The following ARSH variants were observed in gnomAD, a reference collection of about 807,000 sequenced individuals.
ARSH encodes the protein arylsulfatase H.
In ARSH, 32 loss-of-function variants were observed where a neutral mutation model predicts 28.7. That is an observed-to-expected ratio of 1.11 (90% CI 0.84 to 1.50). The LOEUF (loss-of-function observed/expected upper bound fraction) is 1.50. Among genes scored for constraint, ARSH ranks in the 40% most tolerant of loss-of-function variants. The pLI is 0.00. For synonymous variants in ARSH, 176 were observed against 177.3 expected, an observed-to-expected ratio of 0.99 and a Z score of 0.06; for missense variants, 440 against 452.4, an observed-to-expected ratio of 0.97 and a Z score of 0.25.
chrX:3,015,162 C>T lies in ARSH; in HGVS notation c.533C>T (p.Pro178Leu). 1 of 1,208,349 alleles carries T rather than the reference C, an allele frequency of 8.3e-7. No individual in the cohort carries two copies. Among genetic ancestry groups the T allele is most frequent in the African/African-American group, 1.7e-5 (1 of 57,763 alleles). The stretch of plus-strand genomic sequence containing the variant: ...TCCACGGTAGCCCTTGCCCTGGTTC[C>T]TTTTCTGCTTCTCATTCCCAAGTTC... ...WISTVALALV[P>L]FLLLIPKFAR... Residue 178 changes from proline to leucine, a missense_variant, in exon 4 of 9, where the codon CCT becomes CTT. Pro to Leu is a moderately conservative substitution (Grantham distance 98, BLOSUM62 -3). Transcript: ENST00000381130.
At chrX:3,019,377 TG>T (rs765122742) in intron 5 of ARSH, among the ~76,000 whole-genome samples, 3 of 111,098 alleles carry the variant, frequency 2.7e-5, no homozygotes, top group Non-Finnish European at 5.7e-5. Context: ...CATAGAAAAT[TG>T]GGATGGGGAT....
rs1255036920 is a variant in ARSH at position 3,010,107 on chromosome X, C to T, written c.170C>T (p.Pro57Leu). 1.7e-6 allele frequency: 2 copies of T among 1,209,650 alleles called. No homozygotes were observed. The highest frequency in any genetic ancestry group is 3.5e-5 in the African/African-American group (2 of 57,170). Reference sequence around the variant, plus strand: ...CTCGCAGCTGCTTCCATGTGCACCCCAAGTCGGGCTGCCTTCCTGACCGGC... The same window carrying T: ...CTCGCAGCTGCTTCCATGTGCACCCTAAGTCGGGCTGCCTTCCTGACCGGC... The part of the protein sequence containing the change: ...QHLAAASMCT[P>L]SRAAFLTGRY... The change falls in exon 2 of 9, where the codon CCA becomes CTA. Residue 57 changes from proline (P) to leucine (L), a missense_variant. Physicochemically the swap from Pro to Leu is moderately conservative, Grantham distance 98. Transcript: ENST00000381130.
At position 3,027,185 on chromosome X, in the gene ARSH, C is replaced by T. The variant is rs370939594; in HGVS notation, c.1037-128C>T. 1.3e-3 allele frequency: 842 copies of T among 656,063 alleles called. 19 individuals carry two copies. In the South Asian group the frequency reaches 0.023, roughly 18 times the overall value. The allele number at this position is 656,063 out of a possible 1,213,427, so 54.1% of individuals were successfully genotyped here. On this transcript the variant is annotated intron_variant, in intron 6 of 8. Coordinates refer to ENST00000381130, the MANE Select transcript of ARSH (RefSeq NM_001011719.2). ...ATGTTGGCCAGGCTGGTCTTGAACT[C>T]CTGACCTCAAGTGATCCGCCCACCT...
chrX:3,017,170 T>C (rs1359252144), intron 4 of ARSH, among the ~76,000 whole-genome samples: 1 of 111,512 alleles, frequency 9.0e-6, no homozygotes, highest in Non-Finnish European at 1.9e-5. Flanking sequence ...GGGCTATCTT[T>C]TTGGGAATAT....
At position 3,029,304 on chromosome X, in the gene ARSH, C is replaced by G; in HGVS notation, c.1257C>G (p.Asp419Glu). ...TGGAAGGAAGGGCGTCCCACTCCGA[C>G]CACGAGTTCCTCTTCCACTACTGTG... ...PLLEGRASHSDHEFLFHYCGV... is the reference protein window; with the variant it reads ...PLLEGRASHSEHEFLFHYCGV... The change falls in exon 8 of 9, where the codon GAC becomes GAG. Residue 419 changes from aspartate to glutamate, a missense_variant. By Grantham distance (45) the Asp-to-Glu change is conservative. Transcript: ENST00000381130. 6 of 1,210,839 alleles carry G rather than the reference C, an allele frequency of 5.0e-6. No individual in the cohort carries two copies. The highest frequency in any genetic ancestry group is 6.7e-6 in the Non-Finnish European group (6 of 895,113).
At chrX:3,011,931 C>T (rs1337418545) in intron 2 of ARSH, among the ~76,000 whole-genome samples, 1 of 111,518 alleles carries the variant, frequency 9.0e-6, no homozygotes, top group African/African-American at 3.3e-5. Flanking sequence ...CAACCTCTGC[C>T]TCCCAGGTTC....
chrX:3,020,812 T>G (rs892376373), intron 5 of ARSH, among the ~76,000 whole-genome samples: 5 of 110,632 alleles, frequency 4.5e-5, no homozygotes, highest in Non-Finnish European at 5.7e-5. Flanking sequence ...GGGATGTGTA[T>G]GTGTGTGTAT....
intron 1 of ARSH, among the ~76,000 whole-genome samples, chrX:3,007,590 C>A (rs746747675): frequency 9.0e-6 from 1 of 111,507 alleles, no homozygotes; most frequent in African/African-American, 3.3e-5. Flanking sequence ...CCTCCTGAGG[C>A]CTCTCTCCTG....
chrX:3,019,089 A>T (rs1466659727), intron 5 of ARSH, among the ~76,000 whole-genome samples: 1 of 110,040 alleles, frequency 9.1e-6, no homozygotes, highest in Non-Finnish European at 1.9e-5. Context: ...ACATGGTGAA[A>T]CCCCATCTCT....
At chrX:3,010,759 G>A (rs749390290) in intron 2 of ARSH, among the ~76,000 whole-genome samples, 1 of 111,845 alleles carries the variant, frequency 8.9e-6, no homozygotes, top group Non-Finnish European at 1.9e-5. Flanking sequence ...ATATAGTGGT[G>A]CCCTTAGACA....
At chrX:3,017,162 GCTAT>G (rs987118515) in intron 4 of ARSH, among the ~76,000 whole-genome samples, 7 of 111,231 alleles carry the variant, frequency 6.3e-5, no homozygotes, top group African/African-American at 2.3e-4. Context: ...ATTTGCTTGG[GCTAT>G]CTTTTTGGGA....
At chrX:3,019,546 T>C (rs1663452633) in intron 5 of ARSH, among the ~76,000 whole-genome samples, 1 of 111,298 alleles carries the variant, frequency 9.0e-6, no homozygotes, top group South Asian at 3.8e-4. Flanking sequence ...CGCCTCTATG[T>C]ACGTGACAGA....
rs2089886998 is a variant in ARSH at position 3,022,484 on chromosome X, C to A, written c.902-1537C>A. ...CAGCTAGTTAAGCTAGTTACATTTT[C>A]TTTTATCTTTGAATGGGACAAGAGC... On this transcript the variant is annotated intron_variant, in intron 5 of 8. Coordinates refer to ENST00000381130, the MANE Select transcript of ARSH (RefSeq NM_001011719.2). Among the ~76,000 whole-genome samples, 4 of 111,769 alleles carry A rather than the reference C, an allele frequency of 3.6e-5. No individual in the cohort carries two copies. In the South Asian group the frequency reaches 1.5e-3, roughly 42 times the overall value.
At chrX:3,023,903 G>T in intron 5 of ARSH, 118 bp from the exon 6 acceptor site, 1 of 741,328 alleles carries the variant, frequency 1.3e-6, no homozygotes, top group Non-Finnish European at 2.0e-6. Context: ...ACAATATCGT[G>T]TAGTGCAGAA....
At chrX:3,018,468 C>T (rs1295485658) in intron 4 of ARSH, 66 bp from the exon 5 acceptor site, 21 of 1,112,232 alleles carry the variant, frequency 1.9e-5, no homozygotes, top group East Asian at 3.1e-5. Flanking sequence ...AGTGCAGAAT[C>T]GCATTTAAAT....
At chrX:3,006,819 C>T (rs7878711) in intron 1 of ARSH, 115 bp downstream of exon 1, 5 of 602,960 alleles carry the variant, frequency 8.3e-6, no homozygotes, top group Admixed American at 7.5e-5. Context: ...CTGATGTTAT[C>T]GGCAGGAATA....
chrX:3,022,945 C>T (rs1195121156), intron 5 of ARSH, among the ~76,000 whole-genome samples: 1 of 109,519 alleles, frequency 9.1e-6, no homozygotes, highest in Non-Finnish European at 1.9e-5. Flanking sequence ...AACTGCTGGG[C>T]CTTCTTGGCA....
intron 5 of ARSH, among the ~76,000 whole-genome samples, chrX:3,023,391 T>C (rs1198117969): frequency 2.3e-4 from 24 of 105,087 alleles, no homozygotes; most frequent in Admixed American, 2.0e-3. Flanking sequence ...TTTTCCTATG[T>C]CAATAAACAT....
chrX:3,006,574 T>A lies in ARSH; in HGVS notation c.-39T>A. The A allele has an allele frequency of 8.9e-7, 1 of 1,120,211 alleles. No individual in the cohort carries two copies. The highest frequency in any genetic ancestry group is 1.2e-6 in the Non-Finnish European group (1 of 813,669). The allele number at this position is 1,120,211 out of a possible 1,213,427, so 92.3% of individuals were successfully genotyped here. A position where few individuals can be genotyped will look rare whatever the true frequency, so the allele number is the denominator to read the frequency against. ...TTTCAGGAGCTGCTGGCTGTCAGTG[T>A]CCCTGTGCTGTTTGTTTTGCGGTGT... On this transcript the variant is annotated 5_prime_UTR_variant, in exon 1 of 9. Transcript: ENST00000381130.
Sources: gnomAD v4.1 joint callset for allele counts (sites outside exome capture counted in the v4.1 genomes callset) on GRCh38, gnomAD v4.1.1 for gene constraint, MANE v1.5 for transcripts, NCBI Gene and HGNC (gene_info 2026-07-23, HGNC 2026-07-21) for gene names.